The following MIGA1 variants were observed in gnomAD, a reference collection of about 807,000 sequenced individuals.
MIGA1 encodes mitoguardin 1, also known as family with sequence similarity 73, member A.
A neutral mutation model predicts 82.0 loss-of-function variants in MIGA1; 58 were observed. That is an observed-to-expected ratio of 0.71 (90% CI 0.57 to 0.88). The LOEUF (loss-of-function observed/expected upper bound fraction) is 0.88, where lower values mean the gene tolerates loss of function less well. Ranked by LOEUF, MIGA1 falls within the 40% of genes least tolerant of loss-of-function variation. The pLI, the probability that MIGA1 is intolerant of heterozygous loss-of-function variation, is 0.00. For missense variants in MIGA1, 751 were observed against 749.1 expected (o/e 1.00, Z -0.03); for synonymous variants, 249 against 253.6 (o/e 0.98, Z 0.17).
In MIGA1 at chr1:77,801,495, A is replaced by G. The variant is rs1460336500; in HGVS notation, c.360A>G (p.Ala120=). The change falls in exon 3 of 16, where the codon GCA becomes GCG. Residue 120 remains alanine, a synonymous_variant. Transcript: ENST00000370791. ...TCATACTTGAATACACTAAAAGAGC[A>G]GCATCAGACAAAGGTATGTGGAAAT... 3.1e-6 allele frequency: 5 copies of G among 1,598,750 alleles called. No individual in the cohort carries two copies. In the South Asian group the frequency reaches 3.4e-5, roughly 11 times the overall value.
In MIGA1 at chr1:77,812,272, C is replaced by G. The variant is rs186889727; in HGVS notation, c.638-1462C>G. 8.4e-4 allele frequency among the ~76,000 whole-genome samples: 128 copies of G among 152,226 alleles called. 1 individual carries two copies. In the East Asian group the frequency reaches 0.017, roughly 20 times the overall value. ...TCACCTGAGGTCAGGAGTTCGAGAC[C>G]AGTGTGGCCAGCATGGTGAAACCCC... On this transcript the variant is annotated intron_variant, in intron 5 of 15. Coordinates refer to ENST00000370791, the MANE Select transcript of MIGA1 (RefSeq NM_198549.4).
intron 2 of MIGA1, among the ~76,000 whole-genome samples, chr1:77,798,338 G>T (rs924551030): frequency 1.3e-5 from 2 of 152,072 alleles, no homozygotes; most frequent in African/African-American, 4.8e-5. Flanking sequence ...TGCTGATAAA[G>T]ACATACCTGA....
chr1:77,835,272 G>C (rs1487850408), intron 7 of MIGA1, among the ~76,000 whole-genome samples: 1 of 152,216 alleles, frequency 6.6e-6, no homozygotes, highest in East Asian at 1.9e-4. Flanking sequence ...GATCCAGTCA[G>C]ATTTTTGGCC....
chr1:77,802,139 T>C (rs1286276117), intron 3 of MIGA1, among the ~76,000 whole-genome samples: 2 of 152,112 alleles, frequency 1.3e-5, no homozygotes, highest in Non-Finnish European at 2.9e-5. Context: ...ACATGCTGAG[T>C]TTCTTAGTTT....
At chr1:77,800,312 A>C (rs1436972682) in intron 2 of MIGA1, among the ~76,000 whole-genome samples, 1 of 152,168 alleles carries the variant, frequency 6.6e-6, no homozygotes, top group Non-Finnish European at 1.5e-5. Flanking sequence ...CCAGATTTGA[A>C]ACGATGCTTG....
At chr1:77,832,201 G>A (rs1444791492) in intron 7 of MIGA1, among the ~76,000 whole-genome samples, 1 of 152,090 alleles carries the variant, frequency 6.6e-6, no homozygotes, top group Non-Finnish European at 1.5e-5. Context: ...GAATTTTTGT[G>A]GCTTTATTGA....
intron 1 of MIGA1, among the ~76,000 whole-genome samples, chr1:77,782,668 G>C (rs781681362): frequency 1.3e-5 from 2 of 151,978 alleles, no homozygotes; most frequent in African/African-American, 4.8e-5. Context: ...GAAATAATAC[G>C]CATTAAAACT....
chr1:77,813,912 C>A, intron 6 of MIGA1, 45 bp downstream of exon 6: 1 of 1,599,236 alleles, frequency 6.3e-7, no homozygotes, highest in South Asian at 1.1e-5. Context: ...TTAGAAGAAT[C>A]AAACTTTTTT....
Position 77,873,083 on chromosome 1 carries a change from C to A in MIGA1, c.1643C>A (p.Pro548His). 2 of 1,613,610 alleles carry A rather than the reference C, an allele frequency of 1.2e-6. No individual in the cohort carries two copies. Among genetic ancestry groups the A allele is most frequent in the Non-Finnish European group, 1.7e-6 (2 of 1,179,672 alleles). ...GTCCTAGCCTGGGGCTTTTTGGGTC[C>A]TAGAAATTCTCTGTATGATTTATGT... The change falls in exon 15 of 16, where the codon CCT becomes CAT. Residue 548 changes from proline to histidine, a missense_variant. Pro to His is a moderately conservative substitution (Grantham distance 77, BLOSUM62 -2). Coordinates refer to ENST00000370791, the MANE Select transcript of MIGA1 (RefSeq NM_198549.4).
chr1:77,878,692 C>A lies in MIGA1; in HGVS notation c.*3628C>A. 2.8e-6 allele frequency: 1 copy of A among 358,314 alleles called. No homozygotes were observed. The highest frequency in any genetic ancestry group is 1.4e-4 in the South Asian group (1 of 7,286). The allele number at this position is 358,314 out of a possible 1,614,324, so 22.2% of individuals were successfully genotyped here. The stretch of plus-strand genomic sequence containing the variant: ...TTACATTTGGTATTTCTTTTAATTT[C>A]ATTTTTTGTATTTTAATTTCCCTAC... On this transcript the variant is annotated 3_prime_UTR_variant, in exon 16 of 16. Coordinates refer to ENST00000370791, the MANE Select transcript of MIGA1 (RefSeq NM_198549.4).
chr1:77,870,961 C>T (rs1685958610), intron 14 of MIGA1, among the ~76,000 whole-genome samples: 1 of 150,998 alleles, frequency 6.6e-6, no homozygotes, highest in South Asian at 2.1e-4. Flanking sequence ...CGGTGCGCGC[C>T]TGCAGTCGCA....
In MIGA1 at chr1:77,815,229, T is replaced by A; in HGVS notation, c.893T>A (p.Ile298Asn). The change falls in exon 7 of 16, where the codon ATT (isoleucine) becomes AAT (asparagine). Residue 298 changes from isoleucine (I) to asparagine (N), a missense_variant and splice_region_variant. By Grantham distance (149) the Ile-to-Asn change is moderately radical. This residue lies in a region of MIGA1 where 482 missense variants were observed against 439.4 expected (regional missense o/e 1.10). Coordinates refer to ENST00000370791, the MANE Select transcript of MIGA1 (RefSeq NM_198549.4). ...GATCCTAATTCCCTTGCTGATGATA[T>A]TGGTAAGATGGATATTTCATATGGC... The A allele has an allele frequency of 1.1e-5, 18 of 1,592,866 alleles. No homozygotes were observed. The highest frequency in any genetic ancestry group is 1.5e-5 in the Non-Finnish European group (18 of 1,169,990).
chr1:77,804,221 C>T (rs932874938), intron 4 of MIGA1, among the ~76,000 whole-genome samples: 1 of 152,122 alleles, frequency 6.6e-6, no homozygotes, highest in Non-Finnish European at 1.5e-5. Flanking sequence ...GTGTGAGGTT[C>T]TTCACCTCCT....
chr1:77,843,464 G>C, intron 8 of MIGA1, 57 bp downstream of exon 8: 1 of 1,311,468 alleles, frequency 7.6e-7, no homozygotes, highest in South Asian at 1.2e-5. Context: ...GGAAACAACA[G>C]TCTTGTCATT....
At position 77,779,677 on chromosome 1, in the gene MIGA1, C is replaced by T. The variant is rs773942600; in HGVS notation, c.22C>T (p.Pro8Ser). The T allele has an allele frequency of 6.3e-7, 1 of 1,588,216 alleles. No homozygotes were observed. The highest frequency in any genetic ancestry group is 2.3e-5 in the East Asian group (1 of 43,674). ...CTCCATGTCAGACTGCTGCTCAGCG[C>T]CAGGCATCAGCTGGGAAGCTGGCGT... The change falls in exon 1 of 16, where the codon CCA becomes TCA. Residue 8 changes from proline to serine, a missense_variant. By Grantham distance (74) the Pro-to-Ser change is moderately conservative. Coordinates refer to ENST00000370791, the MANE Select transcript of MIGA1 (RefSeq NM_198549.4).
intron 2 of MIGA1, among the ~76,000 whole-genome samples, chr1:77,792,623 T>C (rs531896000): frequency 1.1e-4 from 17 of 152,236 alleles, no homozygotes; most frequent in African/African-American, 4.1e-4. Flanking sequence ...ACACTAATAG[T>C]TTTGTACTGG....
At chr1:77,800,119 T>C (rs757757584) in intron 2 of MIGA1, among the ~76,000 whole-genome samples, 2 of 152,218 alleles carry the variant, frequency 1.3e-5, no homozygotes, top group Admixed American at 1.3e-4. Context: ...TGCTGGTTCA[T>C]GCCCTCCACA....
At chr1:77,871,110 A>G (rs1184409912) in intron 14 of MIGA1, among the ~76,000 whole-genome samples, 44 of 13,006 alleles carry the variant, frequency 3.4e-3, no homozygotes, top group Non-Finnish European at 1.0e-2. Context: ...AGGGAGAGGG[A>G]GAGGGAGAGG....
In MIGA1 at chr1:77,783,272, G is replaced by A; in HGVS notation, c.116G>A (p.Ser39Asn). Residue 39 changes from serine to asparagine, a missense_variant, in exon 2 of 16, where the codon AGT (serine) becomes AAT (asparagine). Ser to Asn is a conservative substitution (Grantham distance 46). Transcript: ENST00000370791. The stretch of plus-strand genomic sequence containing the variant: ...GGAGCCATGTCAGAAGAAACAGTAA[G>A]TGAATCACAGTTTTCCTTGAAGACA... 6.3e-7 allele frequency: 1 copy of A among 1,593,056 alleles called. No homozygotes were observed. Among genetic ancestry groups the A allele is most frequent in the Non-Finnish European group, 8.6e-7 (1 of 1,165,678 alleles).
Sources: allele counts gnomAD v4.1 joint callset (sites outside exome capture counted in the v4.1 genomes callset), GRCh38; gene constraint gnomAD v4.1.1; regional missense constraint gnomAD v4.1.1; transcripts MANE v1.5; gene names NCBI Gene and HGNC (gene_info 2026-07-23, HGNC 2026-07-21).